The following FBLN1 variants were observed in gnomAD, a reference collection of about 807,000 sequenced individuals.
FBLN1 encodes fibulin-1.
A neutral mutation model predicts 89.7 loss-of-function variants in FBLN1; 34 were observed. That is an observed-to-expected ratio of 0.38 (90% CI 0.29 to 0.50). The LOEUF (loss-of-function observed/expected upper bound fraction) is 0.50. Among genes scored for constraint, FBLN1 ranks in the 20% least tolerant of loss-of-function variants. The pLI is 0.92. For missense variants in FBLN1, 777 were observed against 988.1 expected (o/e 0.79, Z 2.86); for synonymous variants, 393 against 391.3 (o/e 1.00, Z -0.05).
rs1413623951 is a variant in FBLN1 at position 45,579,618 on chromosome 22, A to C, written c.1972+2510A>C. 6.6e-6 allele frequency among the ~76,000 whole-genome samples: 1 copy of C among 152,146 alleles called. No homozygotes were observed. Among genetic ancestry groups the C allele is most frequent in the Non-Finnish European group, 1.5e-5 (1 of 68,024 alleles). ...TTCCACGCCTCGGTCTGTGTGCAGG[A>C]TGCCCCACCTGGCTGGGCTCCTGGA... On this transcript the variant is annotated intron_variant, in intron 16 of 16. Transcript: ENST00000327858. The surrounding 1 kb of genome is among the most constrained non-coding windows in gnomAD (Gnocchi z 5.5).
At chr22:45,509,740 T>C (rs1484350931) in intron 1 of FBLN1, among the ~76,000 whole-genome samples, 2 of 151,040 alleles carry the variant, frequency 1.3e-5, no homozygotes, top group Non-Finnish European at 3.0e-5. Flanking sequence ...TTGGGTGGAG[T>C]CGCCCAGTCC....
At chr22:45,529,001 T>C (rs1424066781) in intron 4 of FBLN1, among the ~76,000 whole-genome samples, 1 of 152,118 alleles carries the variant, frequency 6.6e-6, no homozygotes, top group Non-Finnish European at 1.5e-5. Flanking sequence ...GAGTGCGAGA[T>C]TGGGTGTCAA....
In FBLN1 at chr22:45,550,698, GCTGTGAC is replaced by G; in HGVS notation, c.1697+86_1697+92del. 6.3e-7 allele frequency: 1 copy of G among 1,597,730 alleles called. No homozygotes were observed. On this transcript the variant is annotated intron_variant, in intron 14 of 16. Transcript: ENST00000327858. This position sits in a 1 kb window ranked among gnomAD's most constrained non-coding sequence, Gnocchi z 8.4. ...AGTTCCCGGGTGGGTGGGTTATCAG[GCTGTGAC>G]CTCGGTGTCCTCCCATGAGGGACTC...
Position 45,574,568 on chromosome 22 carries a change from T to C in FBLN1, c.1755T>C (p.Asp585=), listed in dbSNP as rs1908601142. Residue 585 remains aspartate (D), a synonymous_variant, in exon 15 of 17, where the codon GAT becomes GAC. Coordinates refer to ENST00000327858, the MANE Select transcript of FBLN1 (RefSeq NM_006486.3). This position sits in a 1 kb window ranked among gnomAD's most constrained non-coding sequence, Gnocchi z 4.1. The part of the protein sequence containing the change: ...VRCIKSCRPN[D]VTCVFDPVHT... ...GCATCAAGTCCTGCCGCCCCAACGA[T>C]GTCACATGCGTGTTCGACCCCGTGC... 1.2e-6 allele frequency: 2 copies of C among 1,614,050 alleles called. No homozygotes were observed. Among genetic ancestry groups the C allele is most frequent in the South Asian group, 2.2e-5 (2 of 91,084 alleles).
At chr22:45,506,121 A>T (rs1188562977) in intron 1 of FBLN1, among the ~76,000 whole-genome samples, 2 of 152,198 alleles carry the variant, frequency 1.3e-5, no homozygotes, top group African/African-American at 2.4e-5. Flanking sequence ...TTCTCTAGGA[A>T]GTGTTGGCAC....
Position 45,531,182 on chromosome 22 carries a change from C to A in FBLN1, c.485-83C>A, listed in dbSNP as rs2088401434. 6 of 1,217,042 alleles carry A rather than the reference C, an allele frequency of 4.9e-6. No individual in the cohort carries two copies. The Admixed American group carries it at 8.4e-5, about 17-fold the overall frequency. The allele number at this position is 1,217,042 out of a possible 1,614,324, so 75.4% of individuals were successfully genotyped here. ...AATGGGCATTACTGCCTGATAGTGA[C>A]AAGAAGAGAGAATGTTGGGAGTTTC... On this transcript the variant is annotated intron_variant, in intron 4 of 16. Transcript: ENST00000327858. This position sits in a 1 kb window ranked among gnomAD's most constrained non-coding sequence, Gnocchi z 4.9.
chr22:45,569,911 T>C (rs1275860163), intron 14 of FBLN1, among the ~76,000 whole-genome samples: 1 of 151,918 alleles, frequency 6.6e-6, no homozygotes, highest in Non-Finnish European at 1.5e-5. Context: ...AAAAAGAGAA[T>C]AAGAGACAGA....
intron 14 of FBLN1, chr22:45,565,385 G>A: frequency 1.1e-6 from 1 of 891,504 alleles, no homozygotes; most frequent in Non-Finnish European, 1.5e-6. Flanking sequence ...CCCACGGGGA[G>A]GCTTGCCCTT....
intron 2 of FBLN1, among the ~76,000 whole-genome samples, chr22:45,525,182 AGAG>A (rs373727545): frequency 0.17 from 14,981 of 90,744 alleles, 1,094 homozygotes; most frequent in East Asian, 0.34. Context: ...AGGGAGAAAG[AGAG>A]AGAGAGAGAG....
intron 2 of FBLN1, among the ~76,000 whole-genome samples, chr22:45,522,431 A>G (rs1433658700): frequency 6.6e-6 from 1 of 152,232 alleles, no homozygotes; most frequent in Non-Finnish European, 1.5e-5. Context: ...AGCCCAGGCC[A>G]GCCCTCCTGG....
At chr22:45,547,238 A>C in intron 12 of FBLN1, 34 bp downstream of exon 12, 1 of 1,610,568 alleles carries the variant, frequency 6.2e-7, no homozygotes, top group Non-Finnish European at 8.5e-7. Context: ...GGGGGAAAGC[A>C]CCCCCTGGTC....
In FBLN1 at chr22:45,579,989, C is replaced by T. The variant is rs1050240703; in HGVS notation, c.1972+2881C>T. Among the ~76,000 whole-genome samples, 2 of 151,986 alleles carry T rather than the reference C, an allele frequency of 1.3e-5. No homozygotes were observed. Among genetic ancestry groups the T allele is most frequent in the African/African-American group, 4.8e-5 (2 of 41,392 alleles). On this transcript the variant is annotated intron_variant, in intron 16 of 16. Coordinates refer to ENST00000327858, the MANE Select transcript of FBLN1 (RefSeq NM_006486.3). The surrounding 1 kb of genome is among the most constrained non-coding windows in gnomAD (Gnocchi z 5.5). ...TGAAAACGTGGGGTTGAACCCTTGC[C>T]GGCTCCTTACCGTTGCTGGGCACCT... is the stretch of plus-strand genomic sequence containing the variant.
chr22:45,580,068 G>T lies in FBLN1; in HGVS notation c.1972+2960G>T, dbSNP rs1011563065. Among the ~76,000 whole-genome samples the T allele has an allele frequency of 5.3e-5, 8 of 152,298 alleles. No individual in the cohort carries two copies. The highest frequency in any genetic ancestry group is 8.8e-5 in the Non-Finnish European group (6 of 68,022). On this transcript the variant is annotated intron_variant, in intron 16 of 16. Coordinates refer to ENST00000327858, the MANE Select transcript of FBLN1 (RefSeq NM_006486.3). The surrounding 1 kb of genome is among the most constrained non-coding windows in gnomAD (Gnocchi z 8.6). ...ACACTGCCAGCGACGGGTCATGATT[G>T]TCTCCCTTGGGCAAAGGAGGGAGCT...
intron 1 of FBLN1, 81 bp downstream of exon 1, chr22:45,503,145 CG>C: frequency 1.1e-6 from 1 of 928,860 alleles, no homozygotes; most frequent in Non-Finnish European, 1.3e-6. Context: ...TTCGGAACCA[CG>C]GGGACTCGGA....
chr22:45,535,747 A>G (rs907492773), intron 8 of FBLN1, among the ~76,000 whole-genome samples: 1 of 152,252 alleles, frequency 6.6e-6, no homozygotes, highest in African/African-American at 2.4e-5. Flanking sequence ...TTTTTCCTCT[A>G]TAAAATGGGA....
At chr22:45,595,660 T>A (rs1185277560) in intron 16 of FBLN1, among the ~76,000 whole-genome samples, 1 of 152,306 alleles carries the variant, frequency 6.6e-6, no homozygotes, top group Admixed American at 6.5e-5. Context: ...GTTCAGGGCT[T>A]TCCTCTCTCA....
chr22:45,574,372 A>C lies in FBLN1; in HGVS notation c.1698-139A>C. ...ACAGAGCAGCCAGGCTGCAGAGACC[A>C]CTGTCGTTCTCTGATGGAGCTGTCT... is the stretch of plus-strand genomic sequence containing the variant. On this transcript the variant is annotated intron_variant, in intron 14 of 16. Coordinates refer to ENST00000327858, the MANE Select transcript of FBLN1 (RefSeq NM_006486.3). The surrounding 1 kb of genome is among the most constrained non-coding windows in gnomAD (Gnocchi z 4.1). The C allele has an allele frequency of 4.5e-6, 4 of 881,392 alleles. No individual in the cohort carries two copies. In the South Asian group the frequency reaches 5.8e-5, roughly 13 times the overall value. 54.6% of individuals were successfully genotyped at this position (881,392 alleles called of 1,614,324 possible).
At chr22:45,535,811 C>T (rs530113568) in intron 8 of FBLN1, among the ~76,000 whole-genome samples, 18 of 152,288 alleles carry the variant, frequency 1.2e-4, no homozygotes, top group Admixed American at 7.8e-4. Context: ...CGAGTACTTG[C>T]GAAGTACTGG....
chr22:45,582,177 C>T (rs2089047884), intron 16 of FBLN1, among the ~76,000 whole-genome samples: 1 of 152,230 alleles, frequency 6.6e-6, no homozygotes, highest in African/African-American at 2.4e-5. Flanking sequence ...CGGGACTCCC[C>T]ATCCCCATGG....
Sources: allele counts gnomAD v4.1 joint callset (sites outside exome capture counted in the v4.1 genomes callset), GRCh38; gene constraint gnomAD v4.1.1; non-coding constraint Gnocchi (gnomAD v3.1); transcripts MANE v1.5; gene names NCBI Gene and HGNC (gene_info 2026-07-23, HGNC 2026-07-21).